CSGALNACT1: variants seen among roughly 807,000 people sequenced by gnomAD.
CSGALNACT1 encodes beta4GalNAcT-1.
In CSGALNACT1, 52 loss-of-function variants were observed where a neutral mutation model predicts 51.0. The ratio of observed to expected loss-of-function variants is 1.02; its 90% CI spans 0.82 to 1.29. CSGALNACT1 has a LOEUF of 1.29. Ranked by LOEUF, CSGALNACT1 falls within the 50% of genes most tolerant of loss-of-function variation. The pLI, the probability that CSGALNACT1 is intolerant of heterozygous loss-of-function variation, is 0.00. For synonymous variants in CSGALNACT1, 341 were observed against 254.4 expected (o/e 1.34, Z -3.24); for missense variants, 935 against 679.2 (o/e 1.38, Z -4.19).
At chr8:19,658,197 C>T (rs2058458574) in intron 1 of CSGALNACT1, among the ~76,000 whole-genome samples, 1 of 151,708 alleles carries the variant, frequency 6.6e-6, no homozygotes, top group African/African-American at 2.4e-5. Context: ...GAATTAGTGC[C>T]CTTATAAAGC....
chr8:19,413,104 A>G (rs890900247), intron 8 of CSGALNACT1, among the ~76,000 whole-genome samples: 3 of 152,186 alleles, frequency 2.0e-5, no homozygotes, highest in Non-Finnish European at 2.9e-5. Flanking sequence ...TTCCAGATGT[A>G]TTTGCACTTA....
At chr8:19,751,984 A>G (rs1305482476) in intron 1 of CSGALNACT1, among the ~76,000 whole-genome samples, 1 of 150,918 alleles carries the variant, frequency 6.6e-6, no homozygotes, top group African/African-American at 2.4e-5. Context: ...GTATATTTAT[A>G]TATTTATATT....
chr8:19,423,266 A>C (rs1202662083), intron 6 of CSGALNACT1, among the ~76,000 whole-genome samples: 6 of 152,244 alleles, frequency 3.9e-5, no homozygotes, highest in African/African-American at 1.4e-4. Context: ...AGATAGGCCA[A>C]ATATTTACAA....
intron 1 of CSGALNACT1, among the ~76,000 whole-genome samples, chr8:19,614,476 G>C (rs769900002): frequency 1.3e-5 from 2 of 152,104 alleles, no homozygotes; most frequent in Non-Finnish European, 2.9e-5. Flanking sequence ...TGTTTACTGA[G>C]TTATCAATAC....
chr8:19,735,668 A>G (rs1279959932), intron 1 of CSGALNACT1, among the ~76,000 whole-genome samples: 2 of 152,212 alleles, frequency 1.3e-5, no homozygotes, highest in Non-Finnish European at 1.5e-5. Flanking sequence ...ATAAAATTTT[A>G]TGTATTGAAA....
chr8:19,490,201 A>G (rs2074055019), intron 4 of CSGALNACT1, among the ~76,000 whole-genome samples: 1 of 152,182 alleles, frequency 6.6e-6, no homozygotes, highest in Non-Finnish European at 1.5e-5. Flanking sequence ...TAGGCATTCT[A>G]AAAATACAGC....
intron 4 of CSGALNACT1, among the ~76,000 whole-genome samples, chr8:19,502,570 C>G (rs1266456940): frequency 6.6e-6 from 1 of 152,210 alleles, no homozygotes; most frequent in Non-Finnish European, 1.5e-5. Flanking sequence ...GTTTGGAACT[C>G]TCAAAGTGTG....
At chr8:19,506,512 G>A (rs370822258) in intron 3 of CSGALNACT1, among the ~76,000 whole-genome samples, 56 of 152,294 alleles carry the variant, frequency 3.7e-4, no homozygotes, top group African/African-American at 1.3e-3. Flanking sequence ...TGCTGGCAGC[G>A]GACTACTTGG....
At chr8:19,689,765 A>G (rs1464013151) in intron 1 of CSGALNACT1, among the ~76,000 whole-genome samples, 7 of 152,220 alleles carry the variant, frequency 4.6e-5, no homozygotes, top group Non-Finnish European at 5.9e-5. Context: ...CTGAGAAATC[A>G]AGAGAGAGAG....
At chr8:19,404,447 T>A (rs1406594560) in exon 10 of CSGALNACT1, 3 of 453,284 alleles carry the variant, frequency 6.6e-6, no homozygotes, top group Non-Finnish European at 1.3e-5. Context: ...AAAAATAGTT[T>A]GAAATGGTAA....
intron 6 of CSGALNACT1, among the ~76,000 whole-genome samples, chr8:19,437,353 G>A (rs1350174479): frequency 3.3e-5 from 5 of 152,148 alleles, no homozygotes; most frequent in African/African-American, 4.8e-5. Flanking sequence ...GCAGTGAGTC[G>A]TAAAGACAGG....
At chr8:19,525,855 T>C (rs2081577610) in intron 3 of CSGALNACT1, among the ~76,000 whole-genome samples, 1 of 152,104 alleles carries the variant, frequency 6.6e-6, no homozygotes, top group South Asian at 2.1e-4. Context: ...GGGGTGGCTC[T>C]ATTTTGCTGC....
At chr8:19,409,943 T>C (rs1258896818) in intron 8 of CSGALNACT1, among the ~76,000 whole-genome samples, 1 of 152,190 alleles carries the variant, frequency 6.6e-6, no homozygotes, top group Non-Finnish European at 1.5e-5. Context: ...CATCCAAGTG[T>C]TTATCACATC....
At chr8:19,487,469 A>C (rs575308613) in intron 4 of CSGALNACT1, among the ~76,000 whole-genome samples, 132 of 152,304 alleles carry the variant, frequency 8.7e-4, no homozygotes, top group African/African-American at 3.1e-3. Flanking sequence ...CACCTACTGC[A>C]AAGGGCGAGA....
chr8:19,705,905 T>C (rs1294905780), intron 1 of CSGALNACT1, among the ~76,000 whole-genome samples: 1 of 152,212 alleles, frequency 6.6e-6, no homozygotes, highest in East Asian at 1.9e-4. Context: ...AGGGCACGAC[T>C]AATTTTCATT....
upstream of CSGALNACT1, among the ~76,000 whole-genome samples, chr8:19,684,094 A>C (rs1439644753): frequency 6.6e-6 from 1 of 152,180 alleles, no homozygotes; most frequent in African/African-American, 2.4e-5. Context: ...TGAGCCTGGG[A>C]GGCGGAGATT....
chr8:19,643,149 A>T (rs1225994673), intron 1 of CSGALNACT1, among the ~76,000 whole-genome samples: 1 of 152,102 alleles, frequency 6.6e-6, no homozygotes, highest in African/African-American at 2.4e-5. Flanking sequence ...ATAGTATATT[A>T]TGAACTATTA....
intron 4 of CSGALNACT1, among the ~76,000 whole-genome samples, chr8:19,497,254 G>C (rs988731484): frequency 1.3e-5 from 2 of 152,202 alleles, no homozygotes; most frequent in African/African-American, 4.8e-5. Context: ...TGCTGGGAGT[G>C]AGAGAGGAGA....
At chr8:19,721,953 C>G (rs2063151908) in intron 1 of CSGALNACT1, among the ~76,000 whole-genome samples, 1 of 152,060 alleles carries the variant, frequency 6.6e-6, no homozygotes, top group African/African-American at 2.4e-5. Context: ...AATGTTGCTA[C>G]AGTAAAACAT....
Sources: allele counts gnomAD v4.1 joint callset (sites outside exome capture counted in the v4.1 genomes callset), GRCh38; gene constraint gnomAD v4.1.1; transcripts MANE v1.5; gene names NCBI Gene and HGNC (gene_info 2026-07-23, HGNC 2026-07-21).